The following CNGB3 variants were observed in gnomAD, a reference collection of about 807,000 sequenced individuals.
CNGB3 encodes cyclic nucleotide-gated channel beta-3.
Under a neutral mutation model 92.8 loss-of-function variants are expected in CNGB3, and 86 were observed. The ratio of observed to expected loss-of-function variants is 0.93; its 90% confidence interval spans 0.78 to 1.11. CNGB3 has a LOEUF of 1.11. Among genes scored for constraint, CNGB3 ranks in the 50% least tolerant of loss-of-function variants. The pLI is 0.00. For missense variants in CNGB3, 1,026 were observed against 956.8 expected (o/e 1.07, Z -0.95); for synonymous variants, 333 against 332.7 (o/e 1.00, Z -0.01).
chr8:86,648,124 C>T (rs1294625089), intron 7 of CNGB3, among the ~76,000 whole-genome samples: 1 of 151,116 alleles, frequency 6.6e-6, no homozygotes. Context: ...CTGATCTCTC[C>T]TTAGGCGTTG....
intron 17 of CNGB3, among the ~76,000 whole-genome samples, chr8:86,578,052 G>A (rs1821691552): frequency 6.6e-6 from 1 of 152,078 alleles, no homozygotes; most frequent in Non-Finnish European, 1.5e-5. Context: ...TGGGACTACA[G>A]GTGTGTGCCA....
intron 15 of CNGB3, among the ~76,000 whole-genome samples, chr8:86,585,061 T>A (rs574485432): frequency 6.6e-6 from 1 of 152,274 alleles, no homozygotes; most frequent in South Asian, 2.1e-4. Context: ...TATCTGATTA[T>A]CTTTAAGAAG....
At chr8:86,652,136 G>C (rs1823415845) in intron 7 of CNGB3, among the ~76,000 whole-genome samples, 1 of 151,928 alleles carries the variant, frequency 6.6e-6, no homozygotes, top group Non-Finnish European at 1.5e-5. Flanking sequence ...GTACTGTAGG[G>C]AATTGTAACA....
At chr8:86,710,898 T>G (rs1761946178) in intron 3 of CNGB3, among the ~76,000 whole-genome samples, 1 of 152,220 alleles carries the variant, frequency 6.6e-6, no homozygotes, top group Admixed American at 6.5e-5. Context: ...TTTTTCCTGT[T>G]GACCACATGC....
chr8:86,721,378 A>G (rs867965772), intron 3 of CNGB3, among the ~76,000 whole-genome samples: 10 of 152,150 alleles, frequency 6.6e-5, no homozygotes, highest in Admixed American at 1.3e-4. Context: ...ATGCAGAAGC[A>G]TAAGAATGAT....
chr8:86,622,060 A>C (rs1456968215), intron 13 of CNGB3, among the ~76,000 whole-genome samples: 7 of 152,200 alleles, frequency 4.6e-5, no homozygotes, highest in African/African-American at 1.7e-4. Flanking sequence ...ACAAAAAACA[A>C]CAAAAAAAGG....
chr8:86,713,037 T>C (rs1824780640), intron 3 of CNGB3, among the ~76,000 whole-genome samples: 1 of 152,136 alleles, frequency 6.6e-6, no homozygotes, highest in Non-Finnish European at 1.5e-5. Context: ...TGATAGAATA[T>C]GTATTATTCC....
At chr8:86,732,977 G>A (rs942755625) in intron 2 of CNGB3, among the ~76,000 whole-genome samples, 4 of 152,116 alleles carry the variant, frequency 2.6e-5, no homozygotes, top group African/African-American at 7.2e-5. Flanking sequence ...GGATGTGAAT[G>A]ATCCTGTCAC....
At chr8:86,658,590 T>C in intron 6 of CNGB3, 1 of 348,178 alleles carries the variant, frequency 2.9e-6, no homozygotes, top group Non-Finnish European at 5.5e-6. Context: ...GGCCACATAC[T>C]GCTGCAGGTG....
chr8:86,736,368 A>G (rs1350693386), intron 2 of CNGB3, among the ~76,000 whole-genome samples: 1 of 152,172 alleles, frequency 6.6e-6, no homozygotes, highest in African/African-American at 2.4e-5. Flanking sequence ...CTTCTACTCA[A>G]ATAGCTCCTC....
At chr8:86,703,052 A>G (rs1824583640) in intron 3 of CNGB3, among the ~76,000 whole-genome samples, 3 of 152,164 alleles carry the variant, frequency 2.0e-5, no homozygotes, top group African/African-American at 7.2e-5. Context: ...GGAGCTAAAT[A>G]CAATTTTCTT....
intron 6 of CNGB3, chr8:86,658,070 T>C (rs1252671420): frequency 1.9e-6 from 1 of 532,318 alleles, no homozygotes; most frequent in Admixed American, 2.3e-5. Flanking sequence ...AGCTTCTCCA[T>C]GGCCCCCTGC....
intron 15 of CNGB3, among the ~76,000 whole-genome samples, chr8:86,580,711 G>A (rs953155736): frequency 1.3e-5 from 2 of 152,196 alleles, no homozygotes; most frequent in African/African-American, 2.4e-5. Flanking sequence ...AAAGTCTGTC[G>A]TTACCGGTGA....
At chr8:86,662,954 A>G (rs1302687192) in intron 6 of CNGB3, among the ~76,000 whole-genome samples, 2 of 152,214 alleles carry the variant, frequency 1.3e-5, no homozygotes, top group African/African-American at 4.8e-5. Flanking sequence ...ATTGTATTCA[A>G]TAAAAGGGTA....
chr8:86,578,560 G>C (rs1821700673), intron 17 of CNGB3, 129 bp downstream of exon 17: 1 of 873,182 alleles, frequency 1.1e-6, no homozygotes, highest in African/African-American at 1.6e-5. Flanking sequence ...ATATAAAGCA[G>C]GAAGTATTAG....
rs1823108816 is a variant in CNGB3, at chr8:86,638,080, T to A, written c.1179-5187A>T. On this transcript the variant is annotated intron_variant, in intron 10 of 17. Transcript: ENST00000320005. ...ATTCCTTTTTATTGCTGCATAGTAT[T>A]CATTGTATCTTTATACCACAGTTTG... 2.0e-5 allele frequency among the ~76,000 whole-genome samples: 3 copies of A among 152,310 alleles called. No homozygotes were observed. The South Asian group carries it at 6.2e-4, about 32-fold the overall frequency.
rs538421609 is a variant in CNGB3 at position 86,740,854 on chromosome 8, A to G, written c.130-1118T>C. On this transcript the variant is annotated intron_variant, in intron 1 of 17. Coordinates refer to ENST00000320005, the MANE Select transcript of CNGB3 (RefSeq NM_019098.5). ...TTTATATGAACGTAGCTAGAAAGGT[A>G]TAAGTCCAGGACTATTTATAAACAG... Among the ~76,000 whole-genome samples, 287 of 152,316 alleles carry G rather than the reference A, an allele frequency of 1.9e-3. 1 individual carries two copies. The highest frequency in any genetic ancestry group is 6.7e-3 in the African/African-American group (279 of 41,572).
At chr8:86,581,517 C>T (rs1288215120) in intron 15 of CNGB3, among the ~76,000 whole-genome samples, 2 of 152,122 alleles carry the variant, frequency 1.3e-5, no homozygotes, top group African/African-American at 4.8e-5. Flanking sequence ...ATTTGTTCTC[C>T]ATACCGCAGG....
chr8:86,610,121 G>T (rs1346259230), intron 14 of CNGB3, among the ~76,000 whole-genome samples: 1 of 152,104 alleles, frequency 6.6e-6, no homozygotes, highest in Non-Finnish European at 1.5e-5. Context: ...AAATAATACT[G>T]GTATATGGCC....
Sources: gnomAD v4.1 joint callset for allele counts (sites outside exome capture counted in the v4.1 genomes callset) on GRCh38, gnomAD v4.1.1 for gene constraint, MANE v1.5 for transcripts, NCBI Gene and HGNC (gene_info 2026-07-23, HGNC 2026-07-21) for gene names.